Variants in BACH2 observed in about 807,000 individuals in gnomAD.
BACH2 encodes the protein BACH transcriptional regulator 2.
Under a neutral mutation model 61.8 loss-of-function variants are expected in BACH2, and 5 were observed. The observed-to-expected ratio is 0.08, with a 90% CI of 0.04 to 0.17. The LOEUF (loss-of-function observed/expected upper bound fraction) is 0.17. BACH2 is among the 10% of genes least tolerant of loss of function. The probability of loss-of-function intolerance (pLI) is 1.00; values close to 1 mark genes in which losing one functional copy is unlikely to be tolerated. For synonymous variants in BACH2, 446 were observed against 440.1 expected, an observed-to-expected ratio of 1.01 and a Z score of -0.17; for missense variants, 824 against 1,091.1, an observed-to-expected ratio of 0.76 and a Z score of 3.45.
At position 89,928,057 on chromosome 6, in the gene BACH2, C is replaced by T. The variant is rs111296004; in HGVS notation, c.*4351G>A. On this transcript the variant is annotated 3_prime_UTR_variant, in exon 9 of 9. Coordinates refer to ENST00000257749, the MANE Select transcript of BACH2 (RefSeq NM_021813.4). Reference sequence around the variant, plus strand: ...ACTGACTCACCAGAAATTGCACTTCCAACACAGTCTTCAGTTTGGGGAAGA... The same window carrying T: ...ACTGACTCACCAGAAATTGCACTTCTAACACAGTCTTCAGTTTGGGGAAGA... 664 of 152,456 alleles carry T rather than the reference C, an allele frequency of 4.4e-3. 1 individual carries two copies. Among genetic ancestry groups the T allele is most frequent in the South Asian group, 6.8e-3 (33 of 4,828 alleles). 9.4% of individuals were successfully genotyped at this position (152,456 alleles called of 1,614,324 possible).
chr6:89,939,686 A>G, intron 7 of BACH2, among the ~76,000 whole-genome samples: 2 of 92,224 alleles, frequency 2.2e-5, no homozygotes, highest in Admixed American at 1.6e-4. Context: ...TTTTTTTGAG[A>G]CAGGGTCTTG....
intron 3 of BACH2, among the ~76,000 whole-genome samples, chr6:90,237,535 C>G (rs772684090): frequency 4.6e-5 from 7 of 152,200 alleles, no homozygotes; most frequent in Non-Finnish European, 1.0e-4. Context: ...TGAATGCACA[C>G]TTATATCACT....
chr6:90,056,885 T>C (rs1167572799), intron 5 of BACH2, among the ~76,000 whole-genome samples: 1 of 152,024 alleles, frequency 6.6e-6, no homozygotes. Context: ...GGGTAAATAA[T>C]GAAATGAAGG....
At chr6:89,952,218 AGCCAT>A in intron 6 of BACH2, 2 of 225,152 alleles carry the variant, frequency 8.9e-6, no homozygotes, top group Non-Finnish European at 1.8e-5. Context: ...TCCTGTTGAG[AGCCAT>A]TCTACACGAG....
intron 5 of BACH2, among the ~76,000 whole-genome samples, chr6:90,079,923 T>C (rs1370169981): frequency 1.3e-5 from 2 of 152,034 alleles, no homozygotes; most frequent in Non-Finnish European, 2.9e-5. Flanking sequence ...TCATTTTTTT[T>C]TTTTTTCTGT....
chr6:90,058,636 A>G (rs985450083), intron 5 of BACH2, among the ~76,000 whole-genome samples: 24 of 152,254 alleles, frequency 1.6e-4, no homozygotes, highest in African/African-American at 5.8e-4. Context: ...TCAAGTTCAT[A>G]TGGAACCAAA....
At chr6:89,995,950 C>T (rs903330682) in intron 6 of BACH2, among the ~76,000 whole-genome samples, 3 of 152,202 alleles carry the variant, frequency 2.0e-5, no homozygotes, top group East Asian at 1.9e-4. Context: ...ACCAGCAATT[C>T]GGAGTAAACC....
chr6:90,046,736 CT>C (rs1224682552), intron 5 of BACH2, among the ~76,000 whole-genome samples: 4 of 151,780 alleles, frequency 2.6e-5, no homozygotes, highest in African/African-American at 9.7e-5. Flanking sequence ...TATAGAGACG[CT>C]TTTGTAAACA....
intron 5 of BACH2, among the ~76,000 whole-genome samples, chr6:90,070,314 C>CG (rs1781164627): frequency 6.6e-6 from 1 of 152,148 alleles, no homozygotes; most frequent in Admixed American, 6.5e-5. Flanking sequence ...GGGAGCCACT[C>CG]GCACAGCTAG....
intron 2 of BACH2, among the ~76,000 whole-genome samples, chr6:90,254,159 T>C (rs1770902176): frequency 6.7e-6 from 1 of 149,710 alleles, no homozygotes; most frequent in Non-Finnish European, 1.5e-5. Context: ...TAGAAAAACA[T>C]GAGAGAGAGA....
chr6:90,001,115 T>C (rs755179926), intron 6 of BACH2: 2 of 152,190 alleles, frequency 1.3e-5, no homozygotes, highest in Non-Finnish European at 2.9e-5. Context: ...AGTCTGGCCA[T>C]TTGGTTAGTA....
At chr6:90,002,215 A>G (rs1339774102) in intron 6 of BACH2, among the ~76,000 whole-genome samples, 4 of 152,084 alleles carry the variant, frequency 2.6e-5, no homozygotes, top group East Asian at 1.9e-4. Flanking sequence ...TTCTTGGTCT[A>G]CCTTGCCGGC....
At chr6:90,031,360 C>T (rs377070502) in intron 5 of BACH2, among the ~76,000 whole-genome samples, 18 of 152,102 alleles carry the variant, frequency 1.2e-4, no homozygotes, top group South Asian at 4.1e-4. Context: ...CCAGGGCAAC[C>T]AGGCAGGAGA....
intron 5 of BACH2, among the ~76,000 whole-genome samples, chr6:90,031,310 C>T (rs1442233480): frequency 6.6e-6 from 1 of 152,140 alleles, no homozygotes; most frequent in Non-Finnish European, 1.5e-5. Flanking sequence ...GGGATGCCCT[C>T]TCTCACCACT....
At chr6:90,050,081 T>A (rs568440027) in intron 5 of BACH2, among the ~76,000 whole-genome samples, 18 of 152,348 alleles carry the variant, frequency 1.2e-4, no homozygotes, top group African/African-American at 4.3e-4. Flanking sequence ...AAAATGTGTA[T>A]TTCCTACTGT....
In BACH2 at chr6:89,932,841, C is replaced by T; in HGVS notation, c.2093G>A (p.Cys698Tyr). 3.1e-6 allele frequency: 5 copies of T among 1,609,650 alleles called. No homozygotes were observed. The highest frequency in any genetic ancestry group is 3.4e-6 in the Non-Finnish European group (4 of 1,176,420). ...LLSERNQLKA[C>Y]MGELLDNFSC... ...GAAGTTGTCCAACAGTTCCCCCATGCATGCTTTCAGTTGATTCCTCTCTGA... is the reference window on the plus strand; with the variant it reads ...GAAGTTGTCCAACAGTTCCCCCATGTATGCTTTCAGTTGATTCCTCTCTGA... The change falls in exon 9 of 9, where the codon TGC becomes TAC. Residue 698 changes from cysteine to tyrosine, a missense_variant. By Grantham distance (194) the Cys-to-Tyr change is radical (BLOSUM62 -2). Coordinates refer to ENST00000257749, the MANE Select transcript of BACH2 (RefSeq NM_021813.4).
chr6:90,148,263 T>C (rs958699024), intron 4 of BACH2, among the ~76,000 whole-genome samples: 6 of 152,194 alleles, frequency 3.9e-5, no homozygotes, highest in African/African-American at 1.4e-4. Flanking sequence ...CGTACCCAAG[T>C]AGGACTTACT....
In BACH2 at chr6:90,092,280, T is replaced by TAAAAAAAAAAAAAAA. The variant is rs200675044; in HGVS notation, c.-161-3172_-161-3171insTTTTTTTTTTTTTTT. ...CTGTGCAATTGGCACACTGTCAAAG[T>TAAAAAAAAAAAAAAA]AAAAAAAAAAAATATATATATATAT... On this transcript the variant is annotated intron_variant, in intron 4 of 8. Transcript: ENST00000257749. Among the ~76,000 whole-genome samples the TAAAAAAAAAAAAAAA allele has an allele frequency of 2.1e-3, 157 of 76,568 alleles. 3 individuals are homozygous for TAAAAAAAAAAAAAAA. Among genetic ancestry groups the TAAAAAAAAAAAAAAA allele is most frequent in the African/African-American group, 8.4e-3 (132 of 15,756 alleles). 50.2% of individuals were successfully genotyped at this position (76,568 alleles called of 152,430 possible).
chr6:89,953,022 G>A (rs1308572573), intron 6 of BACH2: 1 of 152,208 alleles, frequency 6.6e-6, no homozygotes, highest in Non-Finnish European at 1.5e-5. Flanking sequence ...TCAAATGAAA[G>A]CAGCAATCAT....
Sources: allele counts gnomAD v4.1 joint callset (sites outside exome capture counted in the v4.1 genomes callset), GRCh38; gene constraint gnomAD v4.1.1; transcripts MANE v1.5; gene names NCBI Gene and HGNC (gene_info 2026-07-23, HGNC 2026-07-21).